The following SUSD5 variants were observed in gnomAD, a reference collection of about 807,000 sequenced individuals.
The protein encoded by SUSD5 is sushi domain-containing protein 5.
SUSD5 carries 33 observed loss-of-function variants against 29.5 expected under a neutral mutation model. The ratio of observed to expected loss-of-function variants is 1.12; its 90% CI spans 0.85 to 1.49. The LOEUF (loss-of-function observed/expected upper bound fraction) is 1.49. Ranked by LOEUF, SUSD5 falls within the 40% of genes most tolerant of loss-of-function variation. The pLI is 0.00. For synonymous variants in SUSD5, 308 were observed against 325.3 expected (o/e 0.95, Z 0.57); for missense variants, 776 against 800.6 (o/e 0.97, Z 0.37).
chr3:33,199,568 C>A (rs189901188), intron 3 of SUSD5, among the ~76,000 whole-genome samples: 83 of 152,278 alleles, frequency 5.5e-4, no homozygotes, highest in African/African-American at 1.9e-3. Context: ...CCACCACGCC[C>A]AACCAAAAAA....
Position 33,152,738 on chromosome 3 carries a change from G to T in SUSD5, c.*4C>A. 1 of 1,597,124 alleles carries T rather than the reference G, an allele frequency of 6.3e-7. No homozygotes were observed. Among genetic ancestry groups the T allele is most frequent in the Non-Finnish European group, 8.5e-7 (1 of 1,171,482 alleles). ...GGCTTTGGGAGAACCCACTCCAAAGGTGCCTAGACCTTCTCCATCTCGATC... is the reference window on the plus strand; with the variant it reads ...GGCTTTGGGAGAACCCACTCCAAAGTTGCCTAGACCTTCTCCATCTCGATC... On this transcript the variant is annotated 3_prime_UTR_variant, in exon 5 of 5. Transcript: ENST00000309558.
Position 33,153,530 on chromosome 3 carries a change from C to T in SUSD5, c.1102G>A (p.Glu368Lys). The T allele has an allele frequency of 1.2e-6, 2 of 1,614,066 alleles. No homozygotes were observed. The highest frequency in any genetic ancestry group is 1.7e-6 in the Non-Finnish European group (2 of 1,179,966). ...ACAGGGTAGCCATCTAACCAGGACT[C>T]ATCACTGCTGCTCACCACTGGATCT... ...AGDPVVSSSD[E>K]SWLDGYPVTE... is the part of the protein sequence containing the mutation. The change falls in exon 5 of 5, where the codon GAG becomes AAG. Residue 368 changes from glutamate (E) to lysine (K), a missense_variant. By Grantham distance (56) the Glu-to-Lys change is moderately conservative (BLOSUM62 1). Transcript: ENST00000309558.
At chr3:33,200,796 A>C (rs2032102621) in intron 3 of SUSD5, among the ~76,000 whole-genome samples, 1 of 152,220 alleles carries the variant, frequency 6.6e-6, no homozygotes, top group Admixed American at 6.5e-5. Flanking sequence ...GCTTGTTATA[A>C]AATGGCAAAG....
intron 2 of SUSD5, 52 bp from the exon 3 acceptor site, chr3:33,207,978 A>T: frequency 1.5e-6 from 2 of 1,357,878 alleles, no homozygotes; most frequent in Non-Finnish European, 2.1e-6. Context: ...GTTGAAAATA[A>T]TAAGGAATAA....
At chr3:33,206,225 T>C (rs1290936516) in intron 3 of SUSD5, among the ~76,000 whole-genome samples, 1 of 151,934 alleles carries the variant, frequency 6.6e-6, no homozygotes, top group Non-Finnish European at 1.5e-5. Flanking sequence ...AATACAAAAA[T>C]TAGCCGGGCA....
At chr3:33,177,411 A>G (rs1309395647) in intron 3 of SUSD5, among the ~76,000 whole-genome samples, 3 of 152,326 alleles carry the variant, frequency 2.0e-5, no homozygotes, top group South Asian at 4.1e-4. Context: ...AGTATTCTTC[A>G]TCTAGATCTA....
rs969030735 is a variant in SUSD5 at position 33,150,632 on chromosome 3, G to A, written c.*2110C>T. 6.6e-6 allele frequency: 1 copy of A among 152,200 alleles called. No homozygotes were observed. Among genetic ancestry groups the A allele is most frequent in the African/African-American group, 2.4e-5 (1 of 41,438 alleles). The allele number at this position is 152,200 out of a possible 1,614,324, so 9.4% of individuals were successfully genotyped here. ...GTTCTTGACTTCGTCTGATGCACAG[G>A]TATTCTAGTTGGTACCTTCAGGCTT... is the stretch of plus-strand genomic sequence containing the variant. On this transcript the variant is annotated 3_prime_UTR_variant, in exon 5 of 5. Coordinates refer to ENST00000309558, the MANE Select transcript of SUSD5 (RefSeq NM_015551.2).
chr3:33,161,839 C>T (rs2125615625), intron 4 of SUSD5, among the ~76,000 whole-genome samples: 1 of 152,152 alleles, frequency 6.6e-6, no homozygotes, highest in African/African-American at 2.4e-5. Context: ...ATATAGGAAT[C>T]TAACAGACAT....
At chr3:33,205,042 T>A (rs2032192158) in intron 3 of SUSD5, among the ~76,000 whole-genome samples, 1 of 152,110 alleles carries the variant, frequency 6.6e-6, no homozygotes, top group Admixed American at 6.5e-5. Flanking sequence ...TGTATATATG[T>A]GTATCTATAA....
At position 33,214,442 on chromosome 3, in the gene SUSD5, C is replaced by G. The variant is rs111302590; in HGVS notation, c.113-337G>C. Among the ~76,000 whole-genome samples, 1,430 of 151,968 alleles carry G rather than the reference C, an allele frequency of 9.4e-3. 26 individuals are homozygous for G. Among genetic ancestry groups the G allele is most frequent in the African/African-American group, 0.033 (1,354 of 41,414 alleles). On this transcript the variant is annotated intron_variant, in intron 1 of 4. Coordinates refer to ENST00000309558, the MANE Select transcript of SUSD5 (RefSeq NM_015551.2). ...TCAAGGCTCAGTGTCCTAGGCTTCC[C>G]TGAGTTAGGTCACTTGATGACTAAG...
chr3:33,169,107 T>C (rs1352390559), intron 4 of SUSD5, among the ~76,000 whole-genome samples: 3 of 152,204 alleles, frequency 2.0e-5, no homozygotes, highest in Non-Finnish European at 2.9e-5. Context: ...AGATGAAGTG[T>C]GTAAAACTAT....
At chr3:33,197,804 A>G (rs2032022820) in intron 3 of SUSD5, among the ~76,000 whole-genome samples, 1 of 152,266 alleles carries the variant, frequency 6.6e-6, no homozygotes, top group South Asian at 2.1e-4. Flanking sequence ...TTAATATTTC[A>G]TTCATTTTAT....
intron 3 of SUSD5, among the ~76,000 whole-genome samples, chr3:33,197,705 C>A (rs1019399448): frequency 1.3e-5 from 2 of 152,154 alleles, no homozygotes; most frequent in Non-Finnish European, 2.9e-5. Flanking sequence ...GAATTTCATT[C>A]AAATGGAGTA....
At chr3:33,207,711 A>G in intron 3 of SUSD5, 97 bp downstream of exon 3, 1 of 713,286 alleles carries the variant, frequency 1.4e-6, no homozygotes, top group Non-Finnish European at 2.3e-6. Context: ...TGTCTAGTAA[A>G]TCCTCACTTC....
chr3:33,207,513 G>C (rs923191653), intron 3 of SUSD5, among the ~76,000 whole-genome samples: 9 of 152,282 alleles, frequency 5.9e-5, no homozygotes, highest in Admixed American at 1.3e-4. Flanking sequence ...ACCCCAATCA[G>C]AAAAACTGTG....
chr3:33,161,097 A>T (rs147818669), intron 4 of SUSD5, among the ~76,000 whole-genome samples: 1 of 152,212 alleles, frequency 6.6e-6, no homozygotes, highest in African/African-American at 2.4e-5. Context: ...CATAGATGGA[A>T]GCTCAGAGAT....
Position 33,175,058 on chromosome 3 carries a change from G to T in SUSD5, c.426C>A (p.Asp142Glu), listed in dbSNP as rs951103607. 6.2e-7 allele frequency: 1 copy of T among 1,614,004 alleles called. No individual in the cohort carries two copies. Among genetic ancestry groups the T allele is most frequent in the Non-Finnish European group, 8.5e-7 (1 of 1,179,888 alleles). The change falls in exon 4 of 5, where the codon GAC becomes GAA. Residue 142 changes from aspartate to glutamate, a missense_variant. By Grantham distance (45) the Asp-to-Glu change is conservative (BLOSUM62 2). Transcript: ENST00000309558. ...GGATGGTGTGTGGGAACGAAGGCGGGTCTCCACACGGCTTCTCTGAGGAGA... is the reference window on the plus strand; with the variant it reads ...GGATGGTGTGTGGGAACGAAGGCGGTTCTCCACACGGCTTCTCTGAGGAGA... ...CIKDEEKPCG[D>E]PPSFPHTILQ...
At chr3:33,201,954 T>C (rs866510600) in intron 3 of SUSD5, among the ~76,000 whole-genome samples, 9 of 152,190 alleles carry the variant, frequency 5.9e-5, no homozygotes, top group Middle Eastern at 3.2e-3. Context: ...CTTTCTCCTT[T>C]GTGTCATGGA....
At chr3:33,209,335 A>T in intron 2 of SUSD5, among the ~76,000 whole-genome samples, 1 of 152,048 alleles carries the variant, frequency 6.6e-6, no homozygotes. Context: ...TTTTTCTTCA[A>T]TTGTGGATCA....
Sources: allele counts gnomAD v4.1 joint callset (sites outside exome capture counted in the v4.1 genomes callset), GRCh38; gene constraint gnomAD v4.1.1; transcripts MANE v1.5; gene names NCBI Gene and HGNC (gene_info 2026-07-23, HGNC 2026-07-21).